The following CENPW variants were observed in gnomAD, a reference collection of about 807,000 sequenced individuals.
The protein encoded by CENPW is cancer-up-regulated gene 2 protein.
A neutral mutation model predicts 11.1 loss-of-function variants in CENPW; 3 were observed. The observed-to-expected ratio is 0.27, with a 90% confidence interval of 0.12 to 0.70. The LOEUF (loss-of-function observed/expected upper bound fraction) is 0.70. Ranked by LOEUF, CENPW falls within the 30% of genes least tolerant of loss-of-function variation. The probability of loss-of-function intolerance (pLI) is 0.77; values close to 1 mark genes in which losing one functional copy is unlikely to be tolerated. For synonymous variants in CENPW, 38 were observed against 42.0 expected, an observed-to-expected ratio of 0.91 and a Z score of 0.37; for missense variants, 100 against 105.6, an observed-to-expected ratio of 0.95 and a Z score of 0.23.
At chr6:126,383,125 T>G in the CENPW span, among the ~76,000 whole-genome samples, 1 of 152,128 alleles carries the variant, frequency 6.6e-6, no homozygotes, top group African/African-American at 2.4e-5. Context: ...TATTCAACAT[T>G]GATAAAATGA....
the CENPW span, among the ~76,000 whole-genome samples, chr6:126,369,536 T>C: frequency 2.6e-5 from 4 of 152,228 alleles, no homozygotes; most frequent in African/African-American, 9.6e-5. Context: ...ATTAGTGATG[T>C]TGAGCATTGT....
the CENPW span, among the ~76,000 whole-genome samples, chr6:126,394,116 C>A: frequency 6.6e-6 from 1 of 151,858 alleles, no homozygotes; most frequent in Non-Finnish European, 1.5e-5. Context: ...GAGTTTGGTC[C>A]ATTTACATTG....
At chr6:126,407,957 C>T in the CENPW span, among the ~76,000 whole-genome samples, 5 of 152,010 alleles carry the variant, frequency 3.3e-5, no homozygotes, top group Non-Finnish European at 7.4e-5. Flanking sequence ...TGTCAGTTTT[C>T]GTTTTTGTTG....
At chr6:126,479,517 T>C in the CENPW span, among the ~76,000 whole-genome samples, 5,409 of 152,044 alleles carry the variant, frequency 0.036, 311 homozygotes, top group African/African-American at 0.12. Flanking sequence ...GATTTTCTTC[T>C]CCCTTCAGAT....
the CENPW span, among the ~76,000 whole-genome samples, chr6:126,422,092 G>T: frequency 3.3e-5 from 5 of 152,072 alleles, no homozygotes; most frequent in African/African-American, 1.2e-4. Context: ...CTTTAAGAAG[G>T]ACTGTATATG....
the CENPW span, among the ~76,000 whole-genome samples, chr6:126,378,031 G>A: frequency 6.6e-6 from 1 of 152,144 alleles, no homozygotes; most frequent in South Asian, 2.1e-4. Context: ...GGACGCTCTC[G>A]CATCTTTAAA....
chr6:126,342,679 A>T (rs1254208031), intron 1 of CENPW, among the ~76,000 whole-genome samples: 1 of 152,088 alleles, frequency 6.6e-6, no homozygotes, highest in Admixed American at 6.5e-5. Flanking sequence ...GAAAGGATCA[A>T]TCTTATCTTC....
At chr6:126,451,870 A>G in the CENPW span, among the ~76,000 whole-genome samples, 1 of 151,084 alleles carries the variant, frequency 6.6e-6, no homozygotes, top group African/African-American at 2.4e-5. Flanking sequence ...AGCTCAGGGA[A>G]ATGAGTCCAC....
intron 1 of CENPW, among the ~76,000 whole-genome samples, chr6:126,342,137 A>G (rs192402666): frequency 5.9e-5 from 9 of 152,330 alleles, no homozygotes; most frequent in African/African-American, 1.9e-4. Context: ...TCAATGAGTT[A>G]GCAAAAAGTT....
the CENPW span, among the ~76,000 whole-genome samples, chr6:126,368,521 C>CTT: frequency 9.7e-4 from 141 of 145,874 alleles, no homozygotes; most frequent in Middle Eastern, 3.5e-3. Flanking sequence ...TGTATTAGGA[C>CTT]TTTTTTTTTT....
chr6:126,448,685 T>C, the CENPW span, among the ~76,000 whole-genome samples: 1 of 151,034 alleles, frequency 6.6e-6, no homozygotes, highest in South Asian at 2.1e-4. Context: ...GAAGCATCCA[T>C]ATATTTGAGG....
chr6:126,480,448 CT>C, the CENPW span, among the ~76,000 whole-genome samples: 3 of 151,894 alleles, frequency 2.0e-5, no homozygotes, highest in Non-Finnish European at 4.4e-5. Flanking sequence ...TACTTTATGA[CT>C]TCTAGTCTAC....
At chr6:126,481,050 G>A in the CENPW span, among the ~76,000 whole-genome samples, 19 of 151,914 alleles carry the variant, frequency 1.3e-4, no homozygotes, top group African/African-American at 4.6e-4. Flanking sequence ...CTACATATAT[G>A]TATTAAGGAT....
chr6:126,378,238 G>T, the CENPW span, among the ~76,000 whole-genome samples: 6 of 152,056 alleles, frequency 3.9e-5, no homozygotes, highest in African/African-American at 1.4e-4. Flanking sequence ...TTGTCAACTG[G>T]CTACCAATGA....
At chr6:126,389,943 A>G in the CENPW span, among the ~76,000 whole-genome samples, 1 of 151,878 alleles carries the variant, frequency 6.6e-6, no homozygotes, top group Non-Finnish European at 1.5e-5. Context: ...TGCTGCCACA[A>G]ATGCAAGTTA....
the CENPW span, among the ~76,000 whole-genome samples, chr6:126,394,713 C>A: frequency 1.3e-5 from 2 of 152,112 alleles, no homozygotes; most frequent in African/African-American, 2.4e-5. Context: ...TCTTGTCAGA[C>A]AAGTCTGGTG....
At chr6:126,461,770 A>G in the CENPW span, among the ~76,000 whole-genome samples, 1 of 151,962 alleles carries the variant, frequency 6.6e-6, no homozygotes, top group African/African-American at 2.4e-5. Context: ...GTAAGTAATA[A>G]TAGAGGATTA....
At chr6:126,353,484 C>G (rs1363857260), downstream of CENPW, among the ~76,000 whole-genome samples, 1 of 151,822 alleles carries the variant, frequency 6.6e-6, no homozygotes, top group Non-Finnish European at 1.5e-5. Context: ...TTAAAAAAAT[C>G]TGTTGCTAAA....
At chr6:126,422,337 A>G in the CENPW span, among the ~76,000 whole-genome samples, 2 of 152,070 alleles carry the variant, frequency 1.3e-5, no homozygotes, top group Non-Finnish European at 2.9e-5. Context: ...TGGGTAGCTT[A>G]AACTACTGAA....
Sources: allele counts gnomAD v4.1 joint callset (sites outside exome capture counted in the v4.1 genomes callset), GRCh38; gene constraint gnomAD v4.1.1; transcripts MANE v1.5; gene names NCBI Gene and HGNC (gene_info 2026-07-23, HGNC 2026-07-21).